MTHFD2L: variants seen among roughly 807,000 people sequenced by gnomAD.
The protein encoded by MTHFD2L is methylenetetrahydrofolate dehydrogenase (NADP+ dependent) 2 like, also known as bifunctional methylenetetrahydrofolate dehydrogenase/cyclohydrolase 2, mitochondrial.
MTHFD2L carries 29 observed loss-of-function variants against 34.9 expected under a neutral mutation model. The ratio of observed to expected loss-of-function variants is 0.83; its 90% CI spans 0.62 to 1.13. The LOEUF is 1.13. Ranked by LOEUF, MTHFD2L falls within the 50% of genes most tolerant of loss-of-function variation. MTHFD2L has a pLI of 0.00. For synonymous variants in MTHFD2L, 167 were observed against 155.7 expected, an observed-to-expected ratio of 1.07 and a Z score of -0.54; for missense variants, 481 against 446.5, an observed-to-expected ratio of 1.08 and a Z score of -0.70.
intron 5 of MTHFD2L, among the ~76,000 whole-genome samples, chr4:74,205,415 T>C (rs1445607661): frequency 6.6e-6 from 1 of 152,226 alleles, no homozygotes; most frequent in Non-Finnish European, 1.5e-5. Context: ...TATTTATTTC[T>C]TTTCCAGAAG....
chr4:74,222,640 C>G (rs1462113465), intron 5 of MTHFD2L, among the ~76,000 whole-genome samples: 6 of 152,060 alleles, frequency 3.9e-5, no homozygotes. Context: ...AAGTCTTGAT[C>G]CTATAATCAT....
upstream of MTHFD2L, among the ~76,000 whole-genome samples, chr4:74,124,048 C>T (rs1721903900): frequency 6.6e-6 from 1 of 151,810 alleles, no homozygotes; most frequent in Non-Finnish European, 1.5e-5. Flanking sequence ...ATATTATATT[C>T]CATTGGGGGG....
At chr4:74,265,163 G>T (rs1449995234) in intron 6 of MTHFD2L, among the ~76,000 whole-genome samples, 1 of 152,082 alleles carries the variant, frequency 6.6e-6, no homozygotes, top group Non-Finnish European at 1.5e-5. Flanking sequence ...CACATCTATG[G>T]TTTGGTGGGG....
upstream of MTHFD2L, among the ~76,000 whole-genome samples, chr4:74,122,909 G>A (rs974827350): frequency 1.3e-5 from 2 of 152,028 alleles, no homozygotes; most frequent in Non-Finnish European, 2.9e-5. Flanking sequence ...CTTGTTCTTA[G>A]GAAATACTGG....
intron 2 of MTHFD2L, among the ~76,000 whole-genome samples, chr4:74,118,247 CATTAATACAG>C (rs2109767295): frequency 6.6e-6 from 1 of 152,278 alleles, no homozygotes; most frequent in East Asian, 1.9e-4. Context: ...CTAGTGAGCA[CATTAATACAG>C]ATTTTAACCC....
At chr4:74,126,512 T>A (rs942391114) in intron 1 of MTHFD2L, among the ~76,000 whole-genome samples, 2 of 152,028 alleles carry the variant, frequency 1.3e-5, no homozygotes, top group East Asian at 1.9e-4. Flanking sequence ...CATCATCAAA[T>A]CTCTTAAAAT....
chr4:74,187,973 G>A (rs1255489359), intron 3 of MTHFD2L, among the ~76,000 whole-genome samples: 3 of 152,156 alleles, frequency 2.0e-5, no homozygotes, highest in Non-Finnish European at 4.4e-5. Context: ...ATGTTCATTA[G>A]CAGGTCAATG....
chr4:74,177,839 T>C (rs1729345296), intron 3 of MTHFD2L, among the ~76,000 whole-genome samples: 1 of 151,998 alleles, frequency 6.6e-6, no homozygotes, highest in Admixed American at 6.6e-5. Context: ...TTAAGATACA[T>C]AATCAACTTT....
chr4:74,283,332 G>A (rs1259380331), intron 7 of MTHFD2L, among the ~76,000 whole-genome samples: 1 of 152,062 alleles, frequency 6.6e-6, no homozygotes, highest in African/African-American at 2.4e-5. Flanking sequence ...ATTTTTACAT[G>A]AGCATTTTTG....
At chr4:74,289,915 G>A (rs995671419) in intron 7 of MTHFD2L, among the ~76,000 whole-genome samples, 1 of 152,154 alleles carries the variant, frequency 6.6e-6, no homozygotes, top group African/African-American at 2.4e-5. Context: ...ATTTAGGGTA[G>A]ATAATGGGCA....
intron 1 of MTHFD2L, among the ~76,000 whole-genome samples, chr4:74,170,178 G>A (rs1727610041): frequency 6.6e-6 from 1 of 152,070 alleles, no homozygotes; most frequent in Admixed American, 6.6e-5. Flanking sequence ...AACATTATAA[G>A]AAAAGAAAAC....
chr4:74,198,828 T>G (rs1733922941), intron 3 of MTHFD2L, among the ~76,000 whole-genome samples: 1 of 152,060 alleles, frequency 6.6e-6, no homozygotes, highest in Non-Finnish European at 1.5e-5. Context: ...AGATGAATAC[T>G]TTTATATATT....
intron 6 of MTHFD2L, among the ~76,000 whole-genome samples, chr4:74,263,714 A>G (rs1744958628): frequency 6.6e-6 from 1 of 152,036 alleles, no homozygotes; most frequent in Non-Finnish European, 1.5e-5. Context: ...TTTTCAGCTT[A>G]ATAAGCTTTC....
intron 6 of MTHFD2L, among the ~76,000 whole-genome samples, chr4:74,261,679 T>C (rs1054954428): frequency 2.0e-5 from 3 of 152,080 alleles, no homozygotes; most frequent in Non-Finnish European, 4.4e-5. Context: ...TTCAAAATTA[T>C]GCCTAGCAAC....
chr4:74,171,743 T>C (rs903554228), intron 1 of MTHFD2L, among the ~76,000 whole-genome samples: 1 of 152,104 alleles, frequency 6.6e-6, no homozygotes, highest in Non-Finnish European at 1.5e-5. Flanking sequence ...GCGGAGGTTG[T>C]AGTGAGCCGA....
At chr4:74,201,615 T>G in intron 5 of MTHFD2L, among the ~76,000 whole-genome samples, 1 of 151,518 alleles carries the variant, frequency 6.6e-6, no homozygotes, top group East Asian at 1.9e-4. Flanking sequence ...TAATTAACAA[T>G]TAGACATTAA....
At chr4:74,177,716 A>G (rs900336904) in intron 3 of MTHFD2L, among the ~76,000 whole-genome samples, 2 of 151,944 alleles carry the variant, frequency 1.3e-5, no homozygotes, top group Admixed American at 6.6e-5. Flanking sequence ...TAAAAATAGA[A>G]TACCGTATGA....
At chr4:74,174,800 GTAT>G (rs889838584) in intron 2 of MTHFD2L, 110 bp downstream of exon 2, 13 of 729,136 alleles carry the variant, frequency 1.8e-5, no homozygotes, top group African/African-American at 5.6e-5. Flanking sequence ...TGAATTGCAT[GTAT>G]TATTATTAAA....
chr4:74,213,494 A>G (rs543570967), intron 5 of MTHFD2L, among the ~76,000 whole-genome samples: 7 of 151,810 alleles, frequency 4.6e-5, no homozygotes, highest in Non-Finnish European at 7.4e-5. Context: ...TGGATTGAAA[A>G]TTTTTTTCTC....
Sources: gnomAD v4.1 joint callset for allele counts (sites outside exome capture counted in the v4.1 genomes callset) on GRCh38, gnomAD v4.1.1 for gene constraint, MANE v1.5 for transcripts, NCBI Gene and HGNC (gene_info 2026-07-23, HGNC 2026-07-21) for gene names.